Variants in PARD3 observed in about 807,000 individuals in gnomAD.
The protein encoded by PARD3 is par-3 family cell polarity regulator, also known as partitioning defective 3 homolog.
A neutral mutation model predicts 155.4 loss-of-function variants in PARD3; 75 were observed. The ratio of observed to expected loss-of-function variants is 0.48; its 90% CI spans 0.40 to 0.58. The LOEUF is 0.58. Ranked by LOEUF, PARD3 falls within the 20% of genes least tolerant of loss-of-function variation. The pLI is 0.00. For synonymous variants in PARD3, 576 were observed against 610.5 expected (o/e 0.94, Z 0.83); for missense variants, 1,642 against 1,721.7 (o/e 0.95, Z 0.82).
chr10:34,122,526 A>G (rs1947061981), intron 23 of PARD3, among the ~76,000 whole-genome samples: 1 of 152,220 alleles, frequency 6.6e-6, no homozygotes, highest in South Asian at 2.1e-4. Context: ...GACATATTTC[A>G]TACTATCATG....
chr10:34,129,325 G>C (rs1413048662), intron 23 of PARD3, among the ~76,000 whole-genome samples: 1 of 151,702 alleles, frequency 6.6e-6, no homozygotes, highest in Non-Finnish European at 1.5e-5. Context: ...GATAATTTTT[G>C]TATTTTTAGT....
intron 12 of PARD3, 46 bp from the exon 13 acceptor site, chr10:34,360,305 T>A: frequency 7.2e-7 from 1 of 1,390,612 alleles, no homozygotes; most frequent in Non-Finnish European, 1.0e-6. Context: ...CCAATGTTTC[T>A]TTCTCAAAGT....
At chr10:34,560,022 C>A (rs1049188854) in intron 2 of PARD3, among the ~76,000 whole-genome samples, 4 of 152,038 alleles carry the variant, frequency 2.6e-5, no homozygotes, top group African/African-American at 9.7e-5. Context: ...TGAGATGGGA[C>A]ATATAATTAT....
At chr10:34,417,946 C>CT in intron 5 of PARD3, among the ~76,000 whole-genome samples, 1 of 152,138 alleles carries the variant, frequency 6.6e-6, no homozygotes, top group Non-Finnish European at 1.5e-5. Context: ...TATACAACAT[C>CT]TTTTTTCAGT....
intron 1 of PARD3, among the ~76,000 whole-genome samples, chr10:34,763,277 A>G (rs1837674990): frequency 6.6e-6 from 1 of 152,244 alleles, no homozygotes; most frequent in East Asian, 1.9e-4. Flanking sequence ...TCATAAACAC[A>G]AAGTATTTTT....
At chr10:34,305,316 C>A (rs979053350) in intron 20 of PARD3, among the ~76,000 whole-genome samples, 1 of 152,126 alleles carries the variant, frequency 6.6e-6, no homozygotes, top group Admixed American at 6.5e-5. Flanking sequence ...TACCTAGCAG[C>A]GGTAGTGAAA....
chr10:34,341,540 G>A (rs1214315872), intron 16 of PARD3, 87 bp downstream of exon 16: 2 of 976,262 alleles, frequency 2.0e-6, no homozygotes, highest in Middle Eastern at 3.4e-4. Flanking sequence ...TTAAAAAAAT[G>A]ATTAACTGTA....
At chr10:34,165,873 A>G (rs1181952577) in intron 22 of PARD3, among the ~76,000 whole-genome samples, 1 of 152,242 alleles carries the variant, frequency 6.6e-6, no homozygotes, top group Admixed American at 6.5e-5. Flanking sequence ...TAAAAAACAC[A>G]ACCATTATTC....
intron 22 of PARD3, among the ~76,000 whole-genome samples, chr10:34,251,594 C>T (rs1223312623): frequency 6.6e-6 from 1 of 152,218 alleles, no homozygotes; most frequent in Non-Finnish European, 1.5e-5. Flanking sequence ...ACCTACATCA[C>T]ATCTTACCTT....
intron 22 of PARD3, among the ~76,000 whole-genome samples, chr10:34,227,972 T>G (rs1952712138): frequency 1.3e-5 from 2 of 150,196 alleles, no homozygotes; most frequent in Non-Finnish European, 3.0e-5. Flanking sequence ...CCTATGTTTA[T>G]CATAGCACTA....
rs1250361115 is a variant in PARD3, at chr10:34,237,752, A to G, written c.3419+31905T>C. ...TACATTGTTAAAATAATAAAGCTCA[A>G]AGTAGTACTTCTCCATGTACGTAGG... On this transcript the variant is annotated intron_variant, in intron 22 of 24. Coordinates refer to ENST00000374788, the MANE Select transcript of PARD3 (RefSeq NM_001184785.2). 3.3e-5 allele frequency among the ~76,000 whole-genome samples: 5 copies of G among 152,214 alleles called. No individual in the cohort carries two copies. In the East Asian group the frequency reaches 7.7e-4, roughly 23 times the overall value.
chr10:34,685,476 A>G (rs1212244035), intron 2 of PARD3, among the ~76,000 whole-genome samples: 2 of 152,236 alleles, frequency 1.3e-5, no homozygotes, highest in African/African-American at 4.8e-5. Context: ...GGCAGATATC[A>G]TAATTCATGT....
intron 4 of PARD3, among the ~76,000 whole-genome samples, chr10:34,463,929 G>C (rs991522852): frequency 6.6e-6 from 1 of 152,148 alleles, no homozygotes; most frequent in Non-Finnish European, 1.5e-5. Flanking sequence ...TGTAACCTAG[G>C]TGTGTTGTAG....
At chr10:34,430,211 T>C (rs942061192) in intron 5 of PARD3, among the ~76,000 whole-genome samples, 45 of 152,258 alleles carry the variant, frequency 3.0e-4, no homozygotes, top group Non-Finnish European at 1.2e-4. Flanking sequence ...CAAAGGATTT[T>C]AACCATATGT....
intron 22 of PARD3, among the ~76,000 whole-genome samples, chr10:34,185,298 C>T (rs1316660142): frequency 6.6e-6 from 1 of 152,106 alleles, no homozygotes; most frequent in Non-Finnish European, 1.5e-5. Flanking sequence ...ATTTCTTTGC[C>T]AACTTTTATT....
intron 1 of PARD3, among the ~76,000 whole-genome samples, chr10:34,710,901 C>T (rs2094440607): frequency 6.6e-6 from 1 of 152,144 alleles, no homozygotes. Context: ...CTTGGCCGGA[C>T]ACAGTAACTG....
chr10:34,150,605 CAA>C (rs1390644426), intron 22 of PARD3, among the ~76,000 whole-genome samples: 1 of 152,060 alleles, frequency 6.6e-6, no homozygotes, highest in African/African-American at 2.4e-5. Context: ...GACTCTGCCG[CAA>C]AAGATTCATT....
chr10:34,531,044 C>A (rs2082812918), intron 2 of PARD3, among the ~76,000 whole-genome samples: 1 of 152,308 alleles, frequency 6.6e-6, no homozygotes, highest in African/African-American at 2.4e-5. Flanking sequence ...GTTGTGCAAT[C>A]AAAAGATTGG....
At chr10:34,131,657 T>C (rs1947619900) in intron 22 of PARD3, 74 bp from the exon 23 acceptor site, 1 of 1,339,966 alleles carries the variant, frequency 7.5e-7, no homozygotes, top group Non-Finnish European at 1.1e-6. Context: ...TAGCAAAACA[T>C]GGCAACTTGC....
Sources: allele counts gnomAD v4.1 joint callset (sites outside exome capture counted in the v4.1 genomes callset), GRCh38; gene constraint gnomAD v4.1.1; transcripts MANE v1.5; gene names NCBI Gene and HGNC (gene_info 2026-07-23, HGNC 2026-07-21).